The following FARS2 variants were observed in gnomAD, a reference collection of about 807,000 sequenced individuals.
FARS2 encodes phenylalanine--tRNA ligase, mitochondrial.
FARS2 carries 40 observed loss-of-function variants against 46.4 expected under a neutral mutation model. That is an observed-to-expected ratio of 0.86 (90% CI 0.67 to 1.12). The LOEUF (loss-of-function observed/expected upper bound fraction) is 1.12, where lower values mean the gene tolerates loss of function less well. Among genes scored for constraint, FARS2 ranks in the 50% most tolerant of loss-of-function variants. The pLI is 0.00. For missense variants in FARS2, 513 were observed against 567.9 expected (o/e 0.90, Z 0.98); for synonymous variants, 234 against 214.9 (o/e 1.09, Z -0.78).
At position 5,522,998 on chromosome 6, in the gene FARS2, G is replaced by A. The variant is rs796164635; in HGVS notation, c.905-22182G>A. ...CTGAGTACAGACATTTGGGATGAAG[G>A]GAGGAGAGAAGGAAGGTTGAAGTAA... is the stretch of plus-strand genomic sequence containing the variant. On this transcript the variant is annotated intron_variant, in intron 4 of 6. Coordinates refer to ENST00000274680, the MANE Select transcript of FARS2 (RefSeq NM_006567.5). 3.9e-5 allele frequency among the ~76,000 whole-genome samples: 6 copies of A among 152,290 alleles called. 1 individual carries two copies. The highest frequency in any genetic ancestry group is 2.6e-4 in the Admixed American group (4 of 15,296).
chr6:5,395,513 A>T (rs1007067779), intron 2 of FARS2, among the ~76,000 whole-genome samples: 15 of 152,012 alleles, frequency 9.9e-5, no homozygotes, highest in Non-Finnish European at 5.9e-5. Context: ...TTTAGTAGGG[A>T]TGACACTCTC....
chr6:5,629,927 G>T (rs908983602), intron 6 of FARS2, among the ~76,000 whole-genome samples: 16 of 152,192 alleles, frequency 1.1e-4, no homozygotes. Flanking sequence ...CAAGAGTTTG[G>T]TGGTTGGAAT....
intron 1 of FARS2, among the ~76,000 whole-genome samples, chr6:5,292,660 AC>A (rs1319778673): frequency 6.6e-6 from 1 of 152,194 alleles, no homozygotes; most frequent in African/African-American, 2.4e-5. Flanking sequence ...CCTGAGGGAC[AC>A]CCAAGTGGAG....
At chr6:5,323,156 C>T (rs1378819084) in intron 1 of FARS2, among the ~76,000 whole-genome samples, 3 of 152,068 alleles carry the variant, frequency 2.0e-5, no homozygotes, top group East Asian at 1.9e-4. Context: ...ATCATATACT[C>T]ATAGAAATAG....
At chr6:5,570,799 G>GT (rs1772597453) in intron 5 of FARS2, among the ~76,000 whole-genome samples, 1 of 152,120 alleles carries the variant, frequency 6.6e-6, no homozygotes, top group East Asian at 1.9e-4. Context: ...TCTGGAAACG[G>GT]GGGTAATCTG....
At chr6:5,753,599 A>G (rs150145059) in intron 6 of FARS2, among the ~76,000 whole-genome samples, 21 of 152,334 alleles carry the variant, frequency 1.4e-4, no homozygotes, top group South Asian at 4.1e-4. Context: ...TGTAACATGC[A>G]TAGACATTTC....
intron 6 of FARS2, among the ~76,000 whole-genome samples, chr6:5,693,330 C>T (rs748278206): frequency 1.3e-5 from 2 of 152,204 alleles, no homozygotes; most frequent in Non-Finnish European, 2.9e-5. Context: ...AGATCTGCCC[C>T]CTCACCACTA....
At chr6:5,393,707 C>T (rs1355644604) in intron 2 of FARS2, among the ~76,000 whole-genome samples, 3 of 152,040 alleles carry the variant, frequency 2.0e-5, no homozygotes, top group Admixed American at 2.0e-4. Context: ...TACAGTTTAC[C>T]AGTGTGAGGT....
At chr6:5,632,769 C>T (rs550059747) in intron 6 of FARS2, among the ~76,000 whole-genome samples, 1 of 151,988 alleles carries the variant, frequency 6.6e-6, no homozygotes, top group South Asian at 2.1e-4. Context: ...GCTTTTTGGC[C>T]ATTTATGTAC....
At chr6:5,365,313 CTTTCTTTTTT>C (rs2127635331) in intron 1 of FARS2, among the ~76,000 whole-genome samples, 1 of 68,168 alleles carries the variant, frequency 1.5e-5, no homozygotes, top group African/African-American at 6.2e-5. Context: ...GAGAAGTATA[CTTTCTTTTTT>C]TTTTTTTTTT....
At chr6:5,721,875 A>T (rs1031525531) in intron 6 of FARS2, among the ~76,000 whole-genome samples, 13 of 152,242 alleles carry the variant, frequency 8.5e-5, no homozygotes, top group African/African-American at 3.1e-4. Flanking sequence ...GGTTCAGCTC[A>T]CAGTTGAATC....
chr6:5,285,152 C>A (rs1478635588), intron 1 of FARS2, among the ~76,000 whole-genome samples: 1 of 152,164 alleles, frequency 6.6e-6, no homozygotes, highest in African/African-American at 2.4e-5. Context: ...GAAAAGGCCA[C>A]AGGTTGGAGA....
upstream of FARS2, among the ~76,000 whole-genome samples, chr6:5,258,089 G>A (rs1764768477): frequency 6.6e-6 from 1 of 152,190 alleles, no homozygotes; most frequent in Non-Finnish European, 1.5e-5. Flanking sequence ...ACTTGTAAAG[G>A]CCTGGAGGCC....
At chr6:5,645,513 C>T (rs1309835427) in intron 6 of FARS2, among the ~76,000 whole-genome samples, 1 of 152,124 alleles carries the variant, frequency 6.6e-6, no homozygotes, top group Non-Finnish European at 1.5e-5. Context: ...TTAGGAATGA[C>T]GAAAATGCAT....
At chr6:5,759,552 C>T (rs1228807512) in intron 6 of FARS2, among the ~76,000 whole-genome samples, 1 of 152,094 alleles carries the variant, frequency 6.6e-6, no homozygotes, top group Non-Finnish European at 1.5e-5. Flanking sequence ...TGAGTGGATG[C>T]ATGAATGGGG....
intron 5 of FARS2, among the ~76,000 whole-genome samples, chr6:5,592,112 C>T (rs138595904): frequency 0.043 from 6,533 of 152,186 alleles, 444 homozygotes; most frequent in African/African-American, 0.15. Context: ...TGGCTGAGCG[C>T]GGTGGCTCAC....
chr6:5,645,445 G>A (rs902328190), intron 6 of FARS2, among the ~76,000 whole-genome samples: 5 of 152,194 alleles, frequency 3.3e-5, no homozygotes, highest in African/African-American at 9.7e-5. Flanking sequence ...GATGAGGGAC[G>A]AGTGCCAAGC....
At chr6:5,387,703 G>A (rs1017322563) in intron 2 of FARS2, among the ~76,000 whole-genome samples, 2 of 152,126 alleles carry the variant, frequency 1.3e-5, no homozygotes, top group Non-Finnish European at 2.9e-5. Flanking sequence ...TGTGATGGGG[G>A]TCTCTGCTCC....
intron 1 of FARS2, among the ~76,000 whole-genome samples, chr6:5,296,282 C>G (rs541955090): frequency 6.6e-6 from 1 of 151,736 alleles, no homozygotes; most frequent in African/African-American, 2.4e-5. Context: ...GCTGGGACTG[C>G]AGGTGCCCAT....
Sources: gnomAD v4.1 joint callset for allele counts (sites outside exome capture counted in the v4.1 genomes callset) on GRCh38, gnomAD v4.1.1 for gene constraint, MANE v1.5 for transcripts, NCBI Gene and HGNC (gene_info 2026-07-23, HGNC 2026-07-21) for gene names.